Variants in OPRM1 observed in about 807,000 individuals in gnomAD.
OPRM1 encodes the protein mu-type opioid receptor.
Under a neutral mutation model 31.8 loss-of-function variants are expected in OPRM1, and 27 were observed. That is an observed-to-expected ratio of 0.85 (90% CI 0.63 to 1.17). The LOEUF (loss-of-function observed/expected upper bound fraction) is 1.17. OPRM1 is among the 50% of genes most tolerant of loss of function. OPRM1 has a pLI of 0.00. For missense variants in OPRM1, 536 were observed against 511.1 expected, an observed-to-expected ratio of 1.05 and a Z score of -0.47; for synonymous variants, 196 against 189.9, an observed-to-expected ratio of 1.03 and a Z score of -0.26.
intron 1 of OPRM1, among the ~76,000 whole-genome samples, chr6:154,041,909 A>C (rs936717671): frequency 6.6e-6 from 1 of 152,166 alleles, no homozygotes; most frequent in African/African-American, 2.4e-5. Context: ...AGAGAGAGCC[A>C]ATAGAGTGGC....
intron 1 of OPRM1, among the ~76,000 whole-genome samples, chr6:154,054,325 C>T (rs967683931): frequency 2.0e-5 from 3 of 147,076 alleles, no homozygotes; most frequent in Non-Finnish European, 4.5e-5. Flanking sequence ...GCTGAAATCG[C>T]GCCACTGCAC....
intron 3 of OPRM1, among the ~76,000 whole-genome samples, chr6:154,109,788 CTCTCTGTGTGTGTGTGTG>C (rs958010677): frequency 9.6e-5 from 10 of 103,836 alleles, no homozygotes; most frequent in South Asian, 3.3e-4. Flanking sequence ...CTCTCTCTCT[CTCTCTGTGTGTGTGTGTG>C]TGTGTGTGTG....
intron 3 of OPRM1, among the ~76,000 whole-genome samples, chr6:154,233,159 T>C (rs1416415522): frequency 2.0e-5 from 3 of 152,052 alleles, no homozygotes; most frequent in African/African-American, 4.8e-5. Context: ...AATAGAGACA[T>C]GGTTTCGCCA....
intron 1 of OPRM1, among the ~76,000 whole-genome samples, chr6:154,030,155 A>G (rs548162442): frequency 2.5e-4 from 36 of 144,196 alleles, no homozygotes; most frequent in Admixed American, 4.7e-4. Flanking sequence ...CTTAAAAATT[A>G]GTAGAATACC....
At chr6:154,231,644 A>G (rs1016698652) in intron 3 of OPRM1, among the ~76,000 whole-genome samples, 1 of 152,210 alleles carries the variant, frequency 6.6e-6, no homozygotes, top group Admixed American at 6.5e-5. Context: ...TTTGTGTAAG[A>G]AAGGAGGAAG....
intron 3 of OPRM1, among the ~76,000 whole-genome samples, chr6:154,192,288 T>C (rs1355571302): frequency 6.6e-6 from 1 of 150,968 alleles, no homozygotes; most frequent in Non-Finnish European, 1.5e-5. Flanking sequence ...TGATTTCTGT[T>C]TCTTGACCCA....
At chr6:154,200,179 A>G (rs1456633425) in intron 3 of OPRM1, 7 of 756,250 alleles carry the variant, frequency 9.3e-6, no homozygotes, top group Non-Finnish European at 1.4e-5. Context: ...AAAGGTAAAG[A>G]TATGATATTT....
intron 1 of OPRM1, among the ~76,000 whole-genome samples, chr6:154,072,870 G>A (rs1787086991): frequency 6.6e-6 from 1 of 152,194 alleles, no homozygotes; most frequent in South Asian, 2.1e-4. Flanking sequence ...TTGCCTGCTT[G>A]AACCACTGGT....
chr6:154,221,644 C>T (rs1033140654), intron 3 of OPRM1, among the ~76,000 whole-genome samples: 6 of 151,948 alleles, frequency 3.9e-5, no homozygotes, highest in Non-Finnish European at 8.8e-5. Context: ...GAGGCCGAGG[C>T]GGGCAGATCA....
At chr6:154,193,049 C>T (rs934884188) in intron 3 of OPRM1, among the ~76,000 whole-genome samples, 1 of 152,124 alleles carries the variant, frequency 6.6e-6, no homozygotes, top group Non-Finnish European at 1.5e-5. Context: ...AGTCATTATA[C>T]GAAGAAGGAT....
At chr6:154,221,237 T>G (rs767625227) in intron 3 of OPRM1, 1 of 1,602,414 alleles carries the variant, frequency 6.2e-7, no homozygotes, top group East Asian at 2.2e-5. Context: ...GGATGGGGTT[T>G]ACCAGTTTCC....
intron 3 of OPRM1, 163 bp downstream of exon 3, chr6:154,091,635 T>C (rs1583490491): frequency 1.4e-6 from 2 of 1,420,338 alleles, no homozygotes; most frequent in East Asian, 2.5e-5. Context: ...TTATATAAAC[T>C]GTGTTCTTTA....
rs1797148671 is a variant in OPRM1 at position 154,118,887 on chromosome 6, G to C, written c.*166G>C. 2 of 1,438,084 alleles carry C rather than the reference G, an allele frequency of 1.4e-6. No individual in the cohort carries two copies. The highest frequency in any genetic ancestry group is 9.1e-7 in the Non-Finnish European group (1 of 1,101,052). The allele number at this position is 1,438,084 out of a possible 1,614,324, so 89.1% of individuals were successfully genotyped here. A position where few individuals can be genotyped will look rare whatever the true frequency, so the allele number is the denominator to read the frequency against. ...GGCCACTCTGCTCTGCACATTAGAG[G>C]GACAGCCAAAAGTAAGTGGAGCATT... On this transcript the variant is annotated 3_prime_UTR_variant, in exon 4 of 4. Coordinates refer to ENST00000330432, the MANE Select transcript of OPRM1 (RefSeq NM_000914.5).
intron 3 of OPRM1, among the ~76,000 whole-genome samples, chr6:154,110,700 A>T (rs546495007): frequency 1.2e-4 from 19 of 152,234 alleles, no homozygotes; most frequent in Non-Finnish European, 2.4e-4. Flanking sequence ...CATCCTGGCT[A>T]ACATGGTGAA....
intron 1 of OPRM1, among the ~76,000 whole-genome samples, chr6:154,062,674 C>T (rs1784640058): frequency 6.6e-6 from 1 of 151,972 alleles, no homozygotes; most frequent in Non-Finnish European, 1.5e-5. Context: ...AAACAGTCAT[C>T]ATAAGTACCT....
chr6:154,051,033 A>T (rs1396239871), intron 1 of OPRM1, among the ~76,000 whole-genome samples: 1 of 152,254 alleles, frequency 6.6e-6, no homozygotes, highest in Non-Finnish European at 1.5e-5. Context: ...GTGATTATGT[A>T]ATATAAGTAT....
At chr6:154,093,272 C>T in intron 3 of OPRM1, 1 of 1,611,166 alleles carries the variant, frequency 6.2e-7, no homozygotes, top group Admixed American at 1.7e-5. Flanking sequence ...TCCTTTAGTG[C>T]CTACCTATAC....
intron 3 of OPRM1, among the ~76,000 whole-genome samples, chr6:154,114,310 G>C (rs561524627): frequency 6.6e-6 from 1 of 152,268 alleles, no homozygotes; most frequent in Non-Finnish European, 1.5e-5. Context: ...GACTTGGGTG[G>C]CTGGTCCTGT....
chr6:154,089,686 A>G, intron 1 of OPRM1, 140 bp from the exon 2 acceptor site: 1 of 620,946 alleles, frequency 1.6e-6, no homozygotes, highest in Non-Finnish European at 2.8e-6. Context: ...GTAAATAGCC[A>G]AGCTGATACT....
Sources: allele counts gnomAD v4.1 joint callset (sites outside exome capture counted in the v4.1 genomes callset), GRCh38; gene constraint gnomAD v4.1.1; transcripts MANE v1.5; gene names NCBI Gene and HGNC (gene_info 2026-07-23, HGNC 2026-07-21).